CTNNA3: variants seen among roughly 807,000 people sequenced by gnomAD.
The protein encoded by CTNNA3 is catenin alpha 3, also known as catenin alpha-3.
In CTNNA3, 76 loss-of-function variants were observed where a neutral mutation model predicts 95.7. The ratio of observed to expected loss-of-function variants is 0.79; its 90% CI spans 0.66 to 0.96. The LOEUF (loss-of-function observed/expected upper bound fraction) is 0.96, where lower values mean the gene tolerates loss of function less well. CTNNA3 is among the 40% of genes least tolerant of loss of function. CTNNA3 has a pLI of 0.00. For missense variants in CTNNA3, 1,191 were observed against 1,089.8 expected (o/e 1.09, Z -1.31); for synonymous variants, 431 against 374.4 (o/e 1.15, Z -1.74).
rs1191684746 is a variant in CTNNA3, at chr10:66,092,821, A to C, written c.1977+10336T>G. ...GAAGTTCTAATTGTTGCAAAAATAT[A>C]CTTGATGCCTATACCTTCCCTCACT... On this transcript the variant is annotated intron_variant, in intron 14 of 17. Coordinates refer to ENST00000433211, the MANE Select transcript of CTNNA3 (RefSeq NM_013266.4). 3.3e-5 allele frequency among the ~76,000 whole-genome samples: 5 copies of C among 151,952 alleles called. No individual in the cohort carries two copies. In the South Asian group the frequency reaches 1.0e-3, roughly 31 times the overall value.
chr10:66,038,014 C>A (rs1049948243), intron 15 of CTNNA3, among the ~76,000 whole-genome samples: 1 of 152,144 alleles, frequency 6.6e-6, no homozygotes, highest in Non-Finnish European at 1.5e-5. Context: ...TGTTCACCAG[C>A]CCAGAAGCTC....
At position 67,489,788 on chromosome 10, in the gene CTNNA3, T is replaced by TTATATA. The variant is rs372899542; in HGVS notation, c.579+32048_579+32053dup. ...TTAAGTATATTTATAATACATGATT[T>TTATATA]TATATATATATATATATACACACAT... On this transcript the variant is annotated intron_variant, in intron 5 of 17. Coordinates refer to ENST00000433211, the MANE Select transcript of CTNNA3 (RefSeq NM_013266.4). Among the ~76,000 whole-genome samples the TTATATA allele has an allele frequency of 1.4e-3, 198 of 142,452 alleles. 2 individuals carry two copies. In the East Asian group the frequency reaches 0.019, roughly 14 times the overall value. 93.5% of individuals were successfully genotyped at this position (142,452 alleles called of 152,430 possible).
chr10:66,048,952 AATT>A (rs2079892231), intron 15 of CTNNA3, among the ~76,000 whole-genome samples: 2 of 147,590 alleles, frequency 1.4e-5, no homozygotes, highest in African/African-American at 5.0e-5. Flanking sequence ...AACTAATTAA[AATT>A]AAGATATTCT....
At chr10:67,131,109 C>T (rs541843204) in intron 7 of CTNNA3, among the ~76,000 whole-genome samples, 29 of 152,170 alleles carry the variant, frequency 1.9e-4, no homozygotes, top group African/African-American at 6.0e-4. Flanking sequence ...TCCTACTTTA[C>T]GCTTACCAAC....
At chr10:65,943,553 G>C (rs932570691) in intron 17 of CTNNA3, among the ~76,000 whole-genome samples, 1 of 152,102 alleles carries the variant, frequency 6.6e-6, no homozygotes, top group Non-Finnish European at 1.5e-5. Context: ...TGAATGGTAG[G>C]GCGTGGACAC....
At chr10:66,890,086 C>T (rs184466602) in intron 7 of CTNNA3, among the ~76,000 whole-genome samples, 36 of 152,218 alleles carry the variant, frequency 2.4e-4, no homozygotes, top group Non-Finnish European at 4.1e-4. Context: ...CCACCGCACC[C>T]GGCCGGAACC....
At chr10:66,693,743 T>G (rs1233888024) in intron 9 of CTNNA3, among the ~76,000 whole-genome samples, 4 of 151,780 alleles carry the variant, frequency 2.6e-5, no homozygotes, top group South Asian at 4.2e-4. Flanking sequence ...TAAAAGAACA[T>G]AAATTATAAC....
At position 67,180,473 on chromosome 10, in the gene CTNNA3, T is replaced by C; in HGVS notation, c.891A>G (p.Arg297=). 2.5e-6 allele frequency: 4 copies of C among 1,613,876 alleles called. No individual in the cohort carries two copies. The highest frequency in any genetic ancestry group is 3.4e-6 in the Non-Finnish European group (4 of 1,179,866). ...CTTCAAGGCGTTTCTCTAGTGATGG[T>C]CGTATTTCCTCCTCAGTTACTGTGA... is the stretch of plus-strand genomic sequence containing the variant. ...NPLTVTEEEI[R]PSLEKRLEAI... The change falls in exon 7 of 18, where the codon CGA becomes CGG. Residue 297 remains arginine (R), a synonymous_variant. Transcript: ENST00000433211.
chr10:66,052,274 G>T (rs1350699514), intron 15 of CTNNA3, among the ~76,000 whole-genome samples: 1 of 152,114 alleles, frequency 6.6e-6, no homozygotes, highest in Non-Finnish European at 1.5e-5. Context: ...AAAGGACCTG[G>T]CTAATGAGCC....
At position 65,993,657 on chromosome 10, in the gene CTNNA3, A is replaced by G. The variant is rs78049686; in HGVS notation, c.2160-4860T>C. ...TCTTTACAAGTGAAGTGAGTTTCTT[A>G]GAGGCAGCAGATAGTTGGGTCATGT... On this transcript the variant is annotated intron_variant, in intron 15 of 17. Coordinates refer to ENST00000433211, the MANE Select transcript of CTNNA3 (RefSeq NM_013266.4). Among the ~76,000 whole-genome samples the G allele has an allele frequency of 2.6e-3, 391 of 152,260 alleles. 2 individuals carry two copies. Among genetic ancestry groups the G allele is most frequent in the African/African-American group, 8.5e-3 (355 of 41,538 alleles).
intron 3 of CTNNA3, among the ~76,000 whole-genome samples, chr10:67,579,210 C>G (rs1173823583): frequency 1.5e-4 from 11 of 74,908 alleles, no homozygotes; most frequent in East Asian, 6.5e-4. Flanking sequence ...CCCCTCCCCC[C>G]ACCCCATAAC....
At chr10:66,846,842 G>T (rs1843301424) in intron 7 of CTNNA3, among the ~76,000 whole-genome samples, 1 of 152,038 alleles carries the variant, frequency 6.6e-6, no homozygotes, top group South Asian at 2.1e-4. Flanking sequence ...ACAGAGCCAG[G>T]GAGTGGCTTT....
At chr10:66,628,064 T>A (rs1845000218) in intron 9 of CTNNA3, among the ~76,000 whole-genome samples, 1 of 152,134 alleles carries the variant, frequency 6.6e-6, no homozygotes, top group Non-Finnish European at 1.5e-5. Flanking sequence ...CATTTATGTA[T>A]CTATCAGATG....
At chr10:67,116,156 T>C (rs1433571702) in intron 7 of CTNNA3, among the ~76,000 whole-genome samples, 1 of 151,940 alleles carries the variant, frequency 6.6e-6, no homozygotes, top group Non-Finnish European at 1.5e-5. Flanking sequence ...ACTATAAATG[T>C]CTTAAATTAC....
chr10:66,749,202 C>CAAA lies in CTNNA3; in HGVS notation c.1281+17059_1281+17061dup, dbSNP rs35568730. Among the ~76,000 whole-genome samples, 150 of 50,868 alleles carry CAAA rather than the reference C, an allele frequency of 2.9e-3. 4 individuals are homozygous for CAAA. The highest frequency in any genetic ancestry group is 0.011 in the African/African-American group (139 of 12,264). 33.4% of individuals were successfully genotyped at this position (50,868 alleles called of 152,430 possible). ...TGGGCAACACAGGGAAACTCCAACT[C>CAAA]AAAAAAAAAAAAAAAAAAAAAAAAA... On this transcript the variant is annotated intron_variant, in intron 9 of 17. Coordinates refer to ENST00000433211, the MANE Select transcript of CTNNA3 (RefSeq NM_013266.4).
chr10:66,641,461 T>C (rs1845514800), intron 9 of CTNNA3, among the ~76,000 whole-genome samples: 1 of 152,110 alleles, frequency 6.6e-6, no homozygotes, highest in Non-Finnish European at 1.5e-5. Flanking sequence ...ACAGAAACTA[T>C]AAGAGATAAT....
intron 5 of CTNNA3, among the ~76,000 whole-genome samples, chr10:67,403,954 G>A (rs1387765433): frequency 1.3e-5 from 2 of 152,180 alleles, no homozygotes; most frequent in Non-Finnish European, 2.9e-5. Context: ...CAGCCGCCCA[G>A]CAAATCATAG....
intron 7 of CTNNA3, among the ~76,000 whole-genome samples, chr10:67,153,133 A>G (rs1265305970): frequency 6.6e-6 from 1 of 151,842 alleles, no homozygotes; most frequent in African/African-American, 2.4e-5. Flanking sequence ...CCACCACCAC[A>G]CCCAGCTAAT....
At chr10:66,398,860 T>G (rs1013202901) in intron 11 of CTNNA3, among the ~76,000 whole-genome samples, 2 of 151,990 alleles carry the variant, frequency 1.3e-5, no homozygotes, top group Non-Finnish European at 2.9e-5. Context: ...CTTGCACAAA[T>G]TCAGTGTTAT....
Sources: allele counts gnomAD v4.1 joint callset (sites outside exome capture counted in the v4.1 genomes callset), GRCh38; gene constraint gnomAD v4.1.1; transcripts MANE v1.5; gene names NCBI Gene and HGNC (gene_info 2026-07-23, HGNC 2026-07-21).